APAF1: variants seen among roughly 807,000 people sequenced by gnomAD.
APAF1 encodes the protein apoptotic peptidase activating factor 1, also known as apoptotic protease-activating factor 1.
APAF1 carries 91 observed loss-of-function variants against 152.4 expected under a neutral mutation model. That is an observed-to-expected ratio of 0.60 (90% confidence interval 0.50 to 0.71). APAF1 has a LOEUF of 0.71. Among genes scored for constraint, APAF1 ranks in the 30% least tolerant of loss-of-function variants. The pLI is 0.00. For synonymous variants in APAF1, 484 were observed against 494.1 expected (o/e 0.98, Z 0.27); for missense variants, 1,283 against 1,472.0 (o/e 0.87, Z 2.10).
At chr12:98,650,375 A>G (rs1393951082) in intron 4 of APAF1, among the ~76,000 whole-genome samples, 2 of 151,970 alleles carry the variant, frequency 1.3e-5, no homozygotes, top group African/African-American at 2.4e-5. Flanking sequence ...AATCCCAGCT[A>G]CTCGGGAGGC....
chr12:98,679,864 C>T (rs1014012673), intron 13 of APAF1, among the ~76,000 whole-genome samples: 1 of 152,284 alleles, frequency 6.6e-6, no homozygotes, highest in South Asian at 2.1e-4. Flanking sequence ...CGCTCACTCA[C>T]ACACGCCTCG....
intron 20 of APAF1, among the ~76,000 whole-genome samples, chr12:98,711,844 T>C (rs1305889176): frequency 6.6e-6 from 1 of 152,208 alleles, no homozygotes; most frequent in Admixed American, 6.5e-5. Flanking sequence ...AAAAGAATCT[T>C]AATTTACACT....
intron 21 of APAF1, among the ~76,000 whole-genome samples, 185 bp from the exon 22 acceptor site, chr12:98,715,234 GCATATATA>G (rs1218393797): frequency 2.1e-4 from 12 of 58,326 alleles, no homozygotes; most frequent in Admixed American, 6.8e-4. Context: ...TACATGGTGT[GCATATATA>G]TATATATATA....
At chr12:98,715,686 AG>A (rs2097733998) in intron 22 of APAF1, 134 bp downstream of exon 22, 1 of 1,001,388 alleles carries the variant, frequency 1.0e-6, no homozygotes. Flanking sequence ...ACATGGGCTT[AG>A]ATGAAACCTA....
intron 15 of APAF1, 114 bp downstream of exon 15, chr12:98,683,388 C>G: frequency 9.4e-7 from 1 of 1,065,310 alleles, no homozygotes; most frequent in South Asian, 1.3e-5. Flanking sequence ...ATGATAGAAA[C>G]TACAATAATA....
At chr12:98,677,010 T>C (rs2097687311) in intron 12 of APAF1, among the ~76,000 whole-genome samples, 1 of 152,166 alleles carries the variant, frequency 6.6e-6, no homozygotes, top group Admixed American at 6.6e-5. Context: ...GAAATGAGCA[T>C]TTTGCTATGA....
intron 13 of APAF1, among the ~76,000 whole-genome samples, chr12:98,680,064 T>C (rs1042028646): frequency 2.0e-5 from 3 of 152,374 alleles, no homozygotes; most frequent in Admixed American, 6.5e-5. Flanking sequence ...AACATTTTCA[T>C]TGATATTTAC....
At chr12:98,653,648 T>A (rs1368079432) in intron 4 of APAF1, among the ~76,000 whole-genome samples, 17 of 83,220 alleles carry the variant, frequency 2.0e-4, no homozygotes, top group Admixed American at 6.0e-4. Context: ...CAGAGTGAGA[T>A]GCCGTCTCAA....
intron 7 of APAF1, among the ~76,000 whole-genome samples, chr12:98,665,076 C>T (rs1053677830): frequency 1.3e-5 from 2 of 150,466 alleles, no homozygotes; most frequent in African/African-American, 4.9e-5. Flanking sequence ...GTTCCTCAGG[C>T]TAGGATGCAG....
chr12:98,673,293 C>T (rs2097682572), intron 12 of APAF1, among the ~76,000 whole-genome samples: 1 of 151,352 alleles, frequency 6.6e-6, no homozygotes, highest in Non-Finnish European at 1.5e-5. Context: ...CCAGCCTGGT[C>T]AACATGGTGA....
intron 13 of APAF1, 40 bp downstream of exon 13, chr12:98,677,591 A>G (rs2097687968): frequency 3.7e-6 from 6 of 1,613,604 alleles, no homozygotes; most frequent in African/African-American, 1.3e-5. Flanking sequence ...AGAGGCATGT[A>G]TCCAGTTTTG....
chr12:98,680,355 A>G lies in APAF1; in HGVS notation c.1999A>G (p.Thr667Ala), dbSNP rs2097691004. Residue 667 changes from threonine (T) to alanine (A), a missense_variant, in exon 14 of 27, where the codon ACA becomes GCA. By Grantham distance (58) the Thr-to-Ala change is moderately conservative (BLOSUM62 0). Coordinates refer to ENST00000551964, the MANE Select transcript of APAF1 (RefSeq NM_181861.2). ...TGAAGTGCTTTGTTGTGCATTCTCT[A>G]CAGATGACAGATTTATAGCAACCTG... ...EDEVLCCAFS[T>A]DDRFIATCSV... 6.2e-7 allele frequency: 1 copy of G among 1,613,758 alleles called. No homozygotes were observed. Among genetic ancestry groups the G allele is most frequent in the Non-Finnish European group, 8.5e-7 (1 of 1,179,906 alleles).
rs768631377 is a variant in APAF1, at chr12:98,671,066, A to C, written c.1588A>C (p.Arg530=). 1.0e-5 allele frequency: 16 copies of C among 1,604,142 alleles called. No homozygotes were observed. Among genetic ancestry groups the C allele is most frequent in the Non-Finnish European group, 1.4e-5 (16 of 1,171,622 alleles). The change falls in exon 11 of 27, where the codon AGA becomes CGA. Residue 530 remains arginine, a synonymous_variant. Coordinates refer to ENST00000551964, the MANE Select transcript of APAF1 (RefSeq NM_181861.2). ...TCTGATTCATGAATTTGTGGAATAC[A>C]GACATATACTAGATGAAAAGGTATA... The part of the protein sequence containing the change: ...AHLIHEFVEY[R]HILDEKDCAV...
intron 12 of APAF1, among the ~76,000 whole-genome samples, chr12:98,672,583 T>C (rs1050370446): frequency 5.9e-5 from 9 of 152,064 alleles, no homozygotes; most frequent in African/African-American, 2.2e-4. Flanking sequence ...AGGAGTCTCT[T>C]TTGCTCTTAC....
chr12:98,651,933 G>A (rs553142755), intron 4 of APAF1, among the ~76,000 whole-genome samples: 1 of 152,260 alleles, frequency 6.6e-6, no homozygotes, highest in East Asian at 1.9e-4. Context: ...TCCCACCTCA[G>A]CCTCCGGAGT....
intron 1 of APAF1, among the ~76,000 whole-genome samples, chr12:98,646,502 G>A (rs1402739063): frequency 3.3e-5 from 5 of 152,170 alleles, no homozygotes; most frequent in Admixed American, 6.5e-5. Context: ...CCTTCTGTGA[G>A]CTCCAAGTTA....
In APAF1 at chr12:98,723,646, A is replaced by C. The variant is rs775922661; in HGVS notation, c.3212A>C (p.Asn1071Thr). 5.0e-6 allele frequency: 8 copies of C among 1,585,184 alleles called. No individual in the cohort carries two copies. The highest frequency in any genetic ancestry group is 6.9e-6 in the Non-Finnish European group (8 of 1,160,790). Residue 1071 changes from asparagine (N) to threonine (T), a missense_variant, in exon 24 of 27, where the codon AAT becomes ACT. By Grantham distance (65) the Asn-to-Thr change is moderately conservative. Coordinates refer to ENST00000551964, the MANE Select transcript of APAF1 (RefSeq NM_181861.2). ...TTTTTTTTTTTTTTTAAGGTATGGA[A>C]TATTATTACTGGAAATAAAGAAAAA... ...WSFDGTVKVW[N>T]IITGNKEKDF...
At position 98,725,457 on chromosome 12, in the gene APAF1, G is replaced by C. The variant is rs777805227; in HGVS notation, c.3373G>C (p.Gly1125Arg). The change falls in exon 25 of 27, where the codon GGC becomes CGC. Residue 1125 changes from glycine (G) to arginine (R), a missense_variant. Coordinates refer to ENST00000551964, the MANE Select transcript of APAF1 (RefSeq NM_181861.2). ...DLLLPLHELR[G>R]HNGCVRCSAF... ...CCTTTTGCCACTTCATGAATTGAGGGGCCACAACGGCTGTGTGCGCTGCTC... is the reference window on the plus strand; with the variant it reads ...CCTTTTGCCACTTCATGAATTGAGGCGCCACAACGGCTGTGTGCGCTGCTC... 2.5e-6 allele frequency: 4 copies of C among 1,613,938 alleles called. No individual in the cohort carries two copies. The highest frequency in any genetic ancestry group is 3.4e-6 in the Non-Finnish European group (4 of 1,180,016).
chr12:98,723,346 G>A, intron 23 of APAF1, 34 bp downstream of exon 23: 1 of 1,598,050 alleles, frequency 6.3e-7, no homozygotes. Context: ...TTTTGAAAAA[G>A]TATTCTCATA....
Sources: allele counts gnomAD v4.1 joint callset (sites outside exome capture counted in the v4.1 genomes callset), GRCh38; gene constraint gnomAD v4.1.1; transcripts MANE v1.5; gene names NCBI Gene and HGNC (gene_info 2026-07-23, HGNC 2026-07-21).